The following RAB1A variants were observed in gnomAD, a reference collection of about 807,000 sequenced individuals.
RAB1A encodes the protein RAB1A, member RAS oncogene family.
A neutral mutation model predicts 26.0 loss-of-function variants in RAB1A; 2 were observed. The ratio of observed to expected loss-of-function variants is 0.08; its 90% CI spans 0.03 to 0.24. The LOEUF is 0.24. Among genes scored for constraint, RAB1A ranks in the 10% least tolerant of loss-of-function variants. RAB1A has a pLI of 1.00. For missense variants in RAB1A, 100 were observed against 247.0 expected (o/e 0.40, Z 3.99); for synonymous variants, 84 against 84.9 (o/e 0.99, Z 0.06).
chr2:65,119,874 A>C (rs1448828936), intron 1 of RAB1A, among the ~76,000 whole-genome samples: 2 of 148,590 alleles, frequency 1.3e-5, no homozygotes, highest in African/African-American at 2.5e-5. Context: ...AAATTAATTA[A>C]TTAAAAAATA....
At chr2:65,100,570 G>T (rs1378820294) in intron 2 of RAB1A, among the ~76,000 whole-genome samples, 1 of 150,954 alleles carries the variant, frequency 6.6e-6, no homozygotes, top group Non-Finnish European at 1.5e-5. Context: ...GACCAGCCTG[G>T]CCAACATGGT....
intron 1 of RAB1A, among the ~76,000 whole-genome samples, chr2:65,119,841 CAAAAAAAAAAAAA>C (rs1178958164): frequency 2.7e-5 from 1 of 36,440 alleles, no homozygotes; most frequent in Admixed American, 4.4e-4. Flanking sequence ...CCTGTCTCTA[CAAAAAAAAAAAAA>C]AAAAAAAAAA....
rs1243320482 is a variant in RAB1A, at chr2:65,115,330, C to A, written c.24-10524G>T. On this transcript the variant is annotated intron_variant, in intron 1 of 5. Coordinates refer to ENST00000409784, the MANE Select transcript of RAB1A (RefSeq NM_004161.5). Reference sequence around the variant, plus strand: ...TCTTAAGGGAAAATTATCAAGACTACTAAACTACATACTATTTTAATAACC... The same window carrying A: ...TCTTAAGGGAAAATTATCAAGACTAATAAACTACATACTATTTTAATAACC... 7.2e-5 allele frequency among the ~76,000 whole-genome samples: 11 copies of A among 152,274 alleles called. No homozygotes were observed. In the South Asian group the frequency reaches 1.9e-3, roughly 26 times the overall value.
At chr2:65,129,744 C>A in intron 1 of RAB1A, 149 bp downstream of exon 1, 3 of 1,322,938 alleles carry the variant, frequency 2.3e-6, no homozygotes, top group Non-Finnish European at 3.1e-6. Flanking sequence ...GACAATGGGG[C>A]CCGACTCCCG....
At chr2:65,117,714 G>T (rs557025959) in intron 1 of RAB1A, among the ~76,000 whole-genome samples, 4 of 148,138 alleles carry the variant, frequency 2.7e-5, no homozygotes, top group African/African-American at 1.0e-4. Context: ...CCACAGGCGC[G>T]TGCCACCACG....
intron 1 of RAB1A, among the ~76,000 whole-genome samples, chr2:65,114,717 C>A (rs1486957301): frequency 6.6e-6 from 1 of 151,994 alleles, no homozygotes; most frequent in Non-Finnish European, 1.5e-5. Context: ...CGGTGGCGGG[C>A]GCCTGTAGTC....
intron 1 of RAB1A, among the ~76,000 whole-genome samples, 160 bp downstream of exon 1, chr2:65,129,733 A>G (rs1033672009): frequency 6.7e-6 from 1 of 149,764 alleles, no homozygotes; most frequent in Non-Finnish European, 1.5e-5. Context: ...CCTCCGCGTC[A>G]GACAATGGGG....
intron 1 of RAB1A, among the ~76,000 whole-genome samples, chr2:65,112,339 G>A (rs1669718962): frequency 6.6e-6 from 1 of 151,858 alleles, no homozygotes; most frequent in Non-Finnish European, 1.5e-5. Context: ...TAGAGATGGG[G>A]TTTCACCATG....
chr2:65,122,156 A>T (rs1486469640), intron 1 of RAB1A, among the ~76,000 whole-genome samples: 4 of 2,772 alleles, frequency 1.4e-3, no homozygotes, highest in Non-Finnish European at 2.1e-3. Flanking sequence ...ACTCTATCTC[A>T]AAAAAAAAAA....
chr2:65,102,855 A>T (rs1191736148), intron 2 of RAB1A, among the ~76,000 whole-genome samples: 1 of 151,776 alleles, frequency 6.6e-6, no homozygotes, highest in Non-Finnish European at 1.5e-5. Flanking sequence ...GAACCCGAGA[A>T]GCGGAGGTTG....
chr2:65,099,084 G>A (rs1241446897), intron 2 of RAB1A, among the ~76,000 whole-genome samples: 1 of 152,048 alleles, frequency 6.6e-6, no homozygotes, highest in Admixed American at 6.6e-5. Context: ...TGATCCCCCT[G>A]CCTGAGCCTC....
intron 1 of RAB1A, among the ~76,000 whole-genome samples, chr2:65,113,000 A>G (rs1359022302): frequency 2.0e-5 from 3 of 152,092 alleles, no homozygotes; most frequent in African/African-American, 7.2e-5. Context: ...TTTGAGCCCA[A>G]GAGTTCCAGA....
chr2:65,097,627 T>G (rs1669321051), intron 3 of RAB1A, among the ~76,000 whole-genome samples: 1 of 152,162 alleles, frequency 6.6e-6, no homozygotes, highest in East Asian at 1.9e-4. Context: ...TCCATGCACT[T>G]AGCACAGTAA....
At chr2:65,095,503 C>G (rs1385436828) in intron 3 of RAB1A, among the ~76,000 whole-genome samples, 3 of 147,222 alleles carry the variant, frequency 2.0e-5, no homozygotes, top group African/African-American at 7.5e-5. Flanking sequence ...GCATGGACCA[C>G]CACACCTGGT....
rs770756687 is a variant in RAB1A, at chr2:65,089,114, A to T, written c.289-44T>A. On this transcript the variant is annotated intron_variant, in intron 4 of 5. Coordinates refer to ENST00000409784, the MANE Select transcript of RAB1A (RefSeq NM_004161.5). ...GACTGATAATATAGTTCGATAATAT[A>T]GTTCTGGAATAAACAGAAACATCGT... 11 of 1,530,386 alleles carry T rather than the reference A, an allele frequency of 7.2e-6. No homozygotes were observed. In the Middle Eastern group the frequency reaches 1.4e-3, roughly 188 times the overall value. 94.8% of individuals were successfully genotyped at this position (1,530,386 alleles called of 1,614,324 possible). A position where few individuals can be genotyped will look rare whatever the true frequency, so the allele number is the denominator to read the frequency against.
intron 1 of RAB1A, among the ~76,000 whole-genome samples, chr2:65,116,016 C>T (rs962766005): frequency 2.8e-4 from 42 of 151,872 alleles, no homozygotes; most frequent in Non-Finnish European, 5.9e-5. Flanking sequence ...ATTAGTTGGG[C>T]GTGGTGGTGG....
At chr2:65,114,218 C>G in intron 1 of RAB1A, 1 of 381,846 alleles carries the variant, frequency 2.6e-6, no homozygotes, top group Non-Finnish European at 5.2e-6. Flanking sequence ...TGTCAATGAA[C>G]ACTTTACAAA....
chr2:65,101,628 T>C (rs1669429239), intron 2 of RAB1A, among the ~76,000 whole-genome samples: 1 of 151,958 alleles, frequency 6.6e-6, no homozygotes, highest in Admixed American at 6.6e-5. Context: ...AATTTTAATA[T>C]TTGCCAATTT....
At chr2:65,105,961 C>T (rs1369553754) in intron 1 of RAB1A, among the ~76,000 whole-genome samples, 1 of 152,146 alleles carries the variant, frequency 6.6e-6, no homozygotes, top group African/African-American at 2.4e-5. Flanking sequence ...CGGGTTTCAC[C>T]GTGTTGGCCA....
Sources: allele counts gnomAD v4.1 joint callset (sites outside exome capture counted in the v4.1 genomes callset), GRCh38; gene constraint gnomAD v4.1.1; transcripts MANE v1.5; gene names NCBI Gene and HGNC (gene_info 2026-07-23, HGNC 2026-07-21).